The following XKRX variants were observed in gnomAD, a reference collection of about 807,000 sequenced individuals.
XKRX encodes the protein XK related X-linked.
Under a neutral mutation model 22.4 loss-of-function variants are expected in XKRX, and 11 were observed. The observed-to-expected ratio is 0.49, with a 90% CI of 0.31 to 0.81. The LOEUF (loss-of-function observed/expected upper bound fraction) is 0.81, where lower values mean the gene tolerates loss of function less well. Among genes scored for constraint, XKRX ranks in the 40% least tolerant of loss-of-function variants. The probability of loss-of-function intolerance (pLI) is 0.05; values close to 1 mark genes in which losing one functional copy is unlikely to be tolerated. For synonymous variants in XKRX, 114 were observed against 132.2 expected, an observed-to-expected ratio of 0.86 and a Z score of 0.94; for missense variants, 320 against 336.5, an observed-to-expected ratio of 0.95 and a Z score of 0.38.
At chrX:100,893,398 G>GTATGGA in the XKRX span, among the ~76,000 whole-genome samples, 229 of 112,102 alleles carry the variant, frequency 2.0e-3, 7 homozygotes, top group East Asian at 0.055. Context: ...CAAAAAAACA[G>GTATGGA]TATGGAGATA....
At chrX:100,951,718 T>A in the XKRX span, among the ~76,000 whole-genome samples, 1 of 111,142 alleles carries the variant, frequency 9.0e-6, no homozygotes, top group East Asian at 2.8e-4. Context: ...AAGACACAAT[T>A]CACCAATATC....
the XKRX span, chrX:100,956,587 A>G: frequency 6.3e-6 from 3 of 474,813 alleles, no homozygotes; most frequent in African/African-American, 7.1e-5. Flanking sequence ...GGAGGGTTAG[A>G]CTGGAGATAA....
At chrX:100,903,152 A>C in the XKRX span, among the ~76,000 whole-genome samples, 1 of 111,696 alleles carries the variant, frequency 9.0e-6, no homozygotes, top group African/African-American at 3.2e-5. Context: ...AAGGAAAAAA[A>C]CAAAAAGACA....
chrX:100,898,575 G>T, the XKRX span, among the ~76,000 whole-genome samples: 1 of 99,095 alleles, frequency 1.0e-5, no homozygotes, highest in Admixed American at 1.1e-4. Context: ...GATTTCAAAA[G>T]CTCCCACCTA....
rs1413706317 is a variant in XKRX at position 100,917,691 on chromosome X, AAAGAAAG to A, written c.605-2615_605-2609del. ...AAAGAAAGAAAAGAAAGAAAGAAAG[AAAGAAAG>A]AAAGAAAGAAAGAAAGAAAGAAAGA... On this transcript the variant is annotated intron_variant, in intron 2 of 2. Coordinates refer to ENST00000372956, the MANE Select transcript of XKRX (RefSeq NM_212559.3). 1.1e-3 allele frequency among the ~76,000 whole-genome samples: 104 copies of A among 97,366 alleles called. 1 individual carries two copies. Among genetic ancestry groups the A allele is most frequent in the African/African-American group, 4.0e-3 (95 of 23,652 alleles). The allele number at this position is 97,366 out of a possible 115,157, so 84.6% of individuals were successfully genotyped here. A position where few individuals can be genotyped will look rare whatever the true frequency, so the allele number is the denominator to read the frequency against.
At chrX:100,944,576 T>C in the XKRX span, among the ~76,000 whole-genome samples, 2 of 112,014 alleles carry the variant, frequency 1.8e-5, no homozygotes, top group Admixed American at 9.5e-5. Context: ...TTGGCCAGGC[T>C]GTTCTCGAAC....
rs776142671 is a variant in XKRX at position 100,918,531 on chromosome X, T to C, written c.605-3448A>G. The stretch of plus-strand genomic sequence containing the variant: ...TCAATCTGTGTCCCTACAAATACAC[T>C]CATGCCATAAGAGAACAAAATACAC... On this transcript the variant is annotated intron_variant, in intron 2 of 2. Transcript: ENST00000372956. Among the ~76,000 whole-genome samples the C allele has an allele frequency of 6.3e-5, 7 of 111,964 alleles. No individual in the cohort carries two copies. In the South Asian group the frequency reaches 1.5e-3, roughly 24 times the overall value.
chrX:100,914,314 TC>T lies in XKRX; in HGVS notation c.*23del. 1 of 1,196,278 alleles carries T rather than the reference TC, an allele frequency of 8.4e-7. No homozygotes were observed. The highest frequency in any genetic ancestry group is 1.1e-6 in the Non-Finnish European group (1 of 887,628). ...GTTACTCTTGGCAACTCCCAACTCTTCCTAAAATACCCAGAAAATAGAATCA... is the reference window on the plus strand; with the variant it reads ...GTTACTCTTGGCAACTCCCAACTCTTCTAAAATACCCAGAAAATAGAATCA... On this transcript the variant is annotated 3_prime_UTR_variant, in exon 3 of 3. Coordinates refer to ENST00000372956, the MANE Select transcript of XKRX (RefSeq NM_212559.3).
chrX:100,900,825 T>G, the XKRX span, among the ~76,000 whole-genome samples: 1 of 101,045 alleles, frequency 9.9e-6, no homozygotes, highest in African/African-American at 3.7e-5. Flanking sequence ...AGTCTTGTTC[T>G]GTCGCCTAGG....
the XKRX span, among the ~76,000 whole-genome samples, chrX:100,943,651 G>A: frequency 3.6e-5 from 4 of 111,963 alleles, no homozygotes; most frequent in Middle Eastern, 4.6e-3. Flanking sequence ...TGATCCGCCC[G>A]CCTTGGCCTC....
At position 100,923,018 on chromosome X, in the gene XKRX, C is replaced by T. The variant is rs765985469; in HGVS notation, c.379G>A (p.Glu127Lys). The T allele has an allele frequency of 3.3e-6, 4 of 1,210,234 alleles. No individual in the cohort carries two copies. The African/African-American group carries it at 7.0e-5, about 21-fold the overall frequency. Residue 127 changes from glutamate (E) to lysine (K), a missense_variant, in exon 2 of 3, where the codon GAG (glutamate) becomes AAG (lysine). By Grantham distance (56) the Glu-to-Lys change is moderately conservative. Transcript: ENST00000372956. ...CTGACATAGGGCTCCTCCTGCTCCTCTTTCTTCCACAGTGTGAGGTACTTA... is the reference window on the plus strand; with the variant it reads ...CTGACATAGGGCTCCTCCTGCTCCTTTTTCTTCCACAGTGTGAGGTACTTA... ...MIKYLTLWKK[E>K]EQEEPYVSLT...
At chrX:100,929,982 G>A (rs1027920688), upstream of XKRX, among the ~76,000 whole-genome samples, 5 of 111,131 alleles carry the variant, frequency 4.5e-5, no homozygotes, top group Admixed American at 9.6e-5. Context: ...GAACACATCT[G>A]CCTCCTGGTA....
chrX:100,896,313 T>C, the XKRX span, among the ~76,000 whole-genome samples: 1 of 111,437 alleles, frequency 9.0e-6, no homozygotes, highest in Non-Finnish European at 1.9e-5. Context: ...ATTTATAATA[T>C]TAAAAGACTG....
the XKRX span, chrX:100,957,177 G>A: frequency 1.9e-6 from 2 of 1,078,504 alleles, no homozygotes; most frequent in Admixed American, 4.4e-5. Flanking sequence ...TCACAAAAAG[G>A]ATTCTGGCTT....
upstream of XKRX, among the ~76,000 whole-genome samples, chrX:100,934,254 G>A (rs1312874807): frequency 4.5e-5 from 5 of 111,796 alleles, no homozygotes. Flanking sequence ...CTATCACAGA[G>A]AAACAACCAA....
intron 2 of XKRX, among the ~76,000 whole-genome samples, chrX:100,917,682 G>GAAAGAAAGAAAGAA (rs1569454757): frequency 1.2e-5 from 1 of 85,660 alleles, no homozygotes; most frequent in African/African-American, 5.0e-5. Flanking sequence ...AGAAAAGAAA[G>GAAAGAAAGAAAGAA]AAAGAAAGAA....
At position 100,914,522 on chromosome X, in the gene XKRX, A is replaced by G; in HGVS notation, c.1166T>C (p.Ile389Thr). 1 of 1,212,191 alleles carries G rather than the reference A, an allele frequency of 8.2e-7. No homozygotes were observed. The highest frequency in any genetic ancestry group is 1.1e-6 in the Non-Finnish European group (1 of 895,545). The change falls in exon 3 of 3, where the codon ATT becomes ACT. Residue 389 changes from isoleucine (I) to threonine (T), a missense_variant. By Grantham distance (89) the Ile-to-Thr change is moderately conservative. Transcript: ENST00000372956. Reference sequence around the variant, plus strand: ...GAAGCCAATGGAAATCAGATAAGCAATAATGAGCTGCAAGGCAATCAAGGA... The same window carrying G: ...GAAGCCAATGGAAATCAGATAAGCAGTAATGAGCTGCAAGGCAATCAAGGA... ...CHSLIALQLIIAYLISIGFML... is the reference protein window; with the variant it reads ...CHSLIALQLITAYLISIGFML...
At chrX:100,900,349 T>C in the XKRX span, among the ~76,000 whole-genome samples, 2 of 110,752 alleles carry the variant, frequency 1.8e-5, no homozygotes, top group African/African-American at 6.6e-5. Context: ...GTGTGAGCCA[T>C]CACACCCAGC....
chrX:100,888,002 A>G, the XKRX span: 42 of 1,074,795 alleles, frequency 3.9e-5, no homozygotes, highest in Non-Finnish European at 4.7e-5. Flanking sequence ...AGTTTCCAGA[A>G]CCACTTTGAC....
Sources: gnomAD v4.1 joint callset for allele counts (sites outside exome capture counted in the v4.1 genomes callset) on GRCh38, gnomAD v4.1.1 for gene constraint, MANE v1.5 for transcripts, NCBI Gene and HGNC (gene_info 2026-07-23, HGNC 2026-07-21) for gene names.